KTN1: variants seen among roughly 807,000 people sequenced by gnomAD.
The protein encoded by KTN1 is kinectin.
In KTN1, 130 loss-of-function variants were observed where a neutral mutation model predicts 222.5. The ratio of observed to expected loss-of-function variants is 0.58; its 90% CI spans 0.51 to 0.68. The LOEUF is 0.68. Ranked by LOEUF, KTN1 falls within the 30% of genes least tolerant of loss-of-function variation. The probability of loss-of-function intolerance (pLI) is 0.00; values close to 1 mark genes in which losing one functional copy is unlikely to be tolerated. For missense variants in KTN1, 1,508 were observed against 1,500.4 expected (o/e 1.01, Z -0.08); for synonymous variants, 512 against 496.3 (o/e 1.03, Z -0.42).
chr14:55,604,652 G>A (rs2036475592), intron 1 of KTN1, among the ~76,000 whole-genome samples: 2 of 152,262 alleles, frequency 1.3e-5, no homozygotes, highest in Middle Eastern at 3.4e-3. Flanking sequence ...TGCAGGGTTT[G>A]TGGCCCTTTT....
rs10618434 is a variant in KTN1 at position 55,621,846 on chromosome 14, CTTT to C, written c.963+2552_963+2554del. 1.7e-3 allele frequency among the ~76,000 whole-genome samples: 207 copies of C among 124,222 alleles called. 4 individuals carry two copies. In the East Asian group the frequency reaches 0.023, roughly 14 times the overall value. 81.5% of individuals were successfully genotyped at this position (124,222 alleles called of 152,430 possible). ...AAAATAAGTAAGATGATTTATATTA[CTTT>C]TTTTTTTTTTTTTTTTTGAGACAGA... On this transcript the variant is annotated intron_variant, in intron 5 of 43. Coordinates refer to ENST00000395314, the MANE Select transcript of KTN1 (RefSeq NM_001079521.2).
intron 32 of KTN1, chr14:55,661,899 G>A (rs1265010351): frequency 4.8e-6 from 1 of 207,004 alleles, no homozygotes; most frequent in Non-Finnish European, 9.5e-6. Flanking sequence ...TTGACTTTTT[G>A]TTGAACTTTT....
chr14:55,604,545 C>T (rs1028379588), intron 1 of KTN1, among the ~76,000 whole-genome samples: 1 of 151,986 alleles, frequency 6.6e-6, no homozygotes, highest in Non-Finnish European at 1.5e-5. Flanking sequence ...ATTTCTCTTC[C>T]CTCCTTATCA....
chr14:55,657,876 T>G (rs916032181), intron 29 of KTN1, among the ~76,000 whole-genome samples: 1 of 151,988 alleles, frequency 6.6e-6, no homozygotes, highest in Non-Finnish European at 1.5e-5. Flanking sequence ...ATCACACCAC[T>G]GCACTCCAGC....
rs769131167 is a variant in KTN1, at chr14:55,673,130, T to C, written c.3688-42T>C. On this transcript the variant is annotated intron_variant, in intron 39 of 43. Transcript: ENST00000395314. ...TCCGAGTAGCATACAAAACATGGGC[T>C]ATCATAAGGAGATCAATCTTAAACT... 1.1e-5 allele frequency: 17 copies of C among 1,529,722 alleles called. No individual in the cohort carries two copies. The Middle Eastern group carries it at 5.1e-4, about 46-fold the overall frequency. The allele number at this position is 1,529,722 out of a possible 1,614,324, so 94.8% of individuals were successfully genotyped here. A position where few individuals can be genotyped will look rare whatever the true frequency, so the allele number is the denominator to read the frequency against.
At chr14:55,613,507 T>C (rs575159615) in intron 2 of KTN1, among the ~76,000 whole-genome samples, 265 of 151,508 alleles carry the variant, frequency 1.7e-3, no homozygotes, top group African/African-American at 6.3e-3. Flanking sequence ...TTTTTTTTTT[T>C]TTTGAGATGG....
intron 33 of KTN1, among the ~76,000 whole-genome samples, chr14:55,664,523 G>T (rs913981756): frequency 6.6e-6 from 1 of 152,216 alleles, no homozygotes; most frequent in East Asian, 1.9e-4. Flanking sequence ...GTGTTGCTTG[G>T]AATGGTTCCT....
At chr14:55,592,880 A>G (rs1286866668) in intron 1 of KTN1, among the ~76,000 whole-genome samples, 2 of 152,044 alleles carry the variant, frequency 1.3e-5, no homozygotes, top group African/African-American at 4.8e-5. Flanking sequence ...ATTTTGAAAA[A>G]TTCTCACCTC....
At chr14:55,665,028 A>G (rs2044563541) in intron 33 of KTN1, among the ~76,000 whole-genome samples, 1 of 151,752 alleles carries the variant, frequency 6.6e-6, no homozygotes, top group African/African-American at 2.4e-5. Context: ...GTTTGTAGTT[A>G]CATTTCCTGT....
At chr14:55,593,292 C>G (rs570646618) in intron 1 of KTN1, among the ~76,000 whole-genome samples, 1 of 151,936 alleles carries the variant, frequency 6.6e-6, no homozygotes, top group Admixed American at 6.6e-5. Context: ...ATTGTTTTTT[C>G]TCATTAAATT....
rs1452016853 is a variant in KTN1, at chr14:55,672,702, GTATGT to G, written c.3603+5_3603+9del. On this transcript the variant is annotated splice_donor_variant and splice_donor_5th_base_variant and intron_variant, in intron 38 of 43. Coordinates refer to ENST00000395314, the MANE Select transcript of KTN1 (RefSeq NM_001079521.2). LOFTEE classifies it high-confidence loss of function. ...AAGCGAAAATAAGGATATTGAAAAT[GTATGT>G]TATTTGATTGTTTTACTTGTAACCT... The G allele has an allele frequency of 5.1e-6, 8 of 1,564,914 alleles. No homozygotes were observed. The South Asian group carries it at 8.9e-5, about 17-fold the overall frequency.
At chr14:55,617,456 A>G (rs938767137) in intron 3 of KTN1, among the ~76,000 whole-genome samples, 1 of 152,174 alleles carries the variant, frequency 6.6e-6, no homozygotes, top group Non-Finnish European at 1.5e-5. Flanking sequence ...TGGAAGTTTT[A>G]GCAAGTGTAG....
rs1001271268 is a variant in KTN1 at position 55,640,864 on chromosome 14, A to C, written c.1984-69A>C. On this transcript the variant is annotated intron_variant, in intron 15 of 43. Transcript: ENST00000395314. ...AAATACAGCTTTTTAATATGTAAAA[A>C]TTAGTGAAAAAAATAGTTTTGAGCA... 3.9e-6 allele frequency: 5 copies of C among 1,269,568 alleles called. No homozygotes were observed. In the South Asian group the frequency reaches 6.3e-5, roughly 16 times the overall value. The allele number at this position is 1,269,568 out of a possible 1,614,324, so 78.6% of individuals were successfully genotyped here. A position where few individuals can be genotyped will look rare whatever the true frequency, so the allele number is the denominator to read the frequency against.
In KTN1 at chr14:55,630,062, G is replaced by A. The variant is rs749411485; in HGVS notation, c.1186G>A (p.Val396Ile). ...EHNVFQNKIHVSYQETQQMQM... is the reference protein window; with the variant it reads ...EHNVFQNKIHISYQETQQMQM... Reference sequence around the variant, plus strand: ...TAATGTATTTCAAAACAAAATACATGTCAGTTATCAAGAGACTCAACAGAT... The same window carrying A: ...TAATGTATTTCAAAACAAAATACATATCAGTTATCAAGAGACTCAACAGAT... The change falls in exon 7 of 44, where the codon GTC becomes ATC. Residue 396 changes from valine to isoleucine, a missense_variant. Coordinates refer to ENST00000395314, the MANE Select transcript of KTN1 (RefSeq NM_001079521.2). 45 of 1,608,650 alleles carry A rather than the reference G, an allele frequency of 2.8e-5. No individual in the cohort carries two copies. The highest frequency in any genetic ancestry group is 3.8e-5 in the Non-Finnish European group (45 of 1,175,336).
At chr14:55,590,693 TGA>T (rs2033947082) in intron 1 of KTN1, among the ~76,000 whole-genome samples, 1 of 151,822 alleles carries the variant, frequency 6.6e-6, no homozygotes, top group African/African-American at 2.4e-5. Context: ...TTTTTTTTTT[TGA>T]GATGGAGTCT....
chr14:55,670,386 A>G (rs535142454), intron 34 of KTN1, among the ~76,000 whole-genome samples: 1 of 152,038 alleles, frequency 6.6e-6, no homozygotes, highest in Non-Finnish European at 1.5e-5. Context: ...TGTGTTTTAA[A>G]GATTATTTGT....
intron 28 of KTN1, among the ~76,000 whole-genome samples, chr14:55,655,745 C>T (rs1566811593): frequency 6.6e-6 from 1 of 152,110 alleles, no homozygotes; most frequent in Non-Finnish European, 1.5e-5. Context: ...GGGCAAAACT[C>T]CTTGCTTTTG....
chr14:55,586,228 A>G (rs1566648015), intron 1 of KTN1, among the ~76,000 whole-genome samples: 1 of 152,178 alleles, frequency 6.6e-6, no homozygotes. Context: ...CTTGGGCACT[A>G]GGGAGCCTGA....
Position 55,659,673 on chromosome 14 carries a change from CT to C in KTN1, c.2973del (p.Pro993LeufsTer6). ...ATTTAACTCTTTTGATAGGCATCTT[CT>C]TTTCCCCCTCATGAAGAATTATTAA... is the stretch of plus-strand genomic sequence containing the variant. Reference protein sequence around the residue: ...LKQQNYQQASSFPPHEELLKV... With the variant: ...LKQQNYQQASXFPPHEELLKV... On this transcript the variant is annotated frameshift_variant, in exon 31 of 44. Transcript: ENST00000395314. LOFTEE classifies it high-confidence loss of function. The C allele has an allele frequency of 6.0e-6, 9 of 1,498,724 alleles. No homozygotes were observed. Among genetic ancestry groups the C allele is most frequent in the Non-Finnish European group, 7.4e-6 (8 of 1,076,586 alleles). 92.8% of individuals were successfully genotyped at this position (1,498,724 alleles called of 1,614,324 possible).
Sources: allele counts gnomAD v4.1 joint callset (sites outside exome capture counted in the v4.1 genomes callset), GRCh38; gene constraint gnomAD v4.1.1; transcripts MANE v1.5; gene names NCBI Gene and HGNC (gene_info 2026-07-23, HGNC 2026-07-21).